Variants in AHNAK observed in about 807,000 individuals in gnomAD.
AHNAK encodes the protein neuroblast differentiation-associated protein AHNAK.
In AHNAK, 23 loss-of-function variants were observed where a neutral mutation model predicts 37.8. The observed-to-expected ratio is 0.61, with a 90% CI of 0.44 to 0.86. The LOEUF is 0.86. Ranked by LOEUF, AHNAK falls within the 40% of genes least tolerant of loss-of-function variation. The pLI, the probability that AHNAK is intolerant of heterozygous loss-of-function variation, is 0.00. For synonymous variants in AHNAK, 2,481 were observed against 2,636.3 expected, an observed-to-expected ratio of 0.94 and a Z score of 1.80; for missense variants, 7,411 against 7,319.4, an observed-to-expected ratio of 1.01 and a Z score of -0.46.
rs138474498 is a variant in AHNAK at position 62,522,083 on chromosome 11, G to A, written c.12334C>T (p.Leu4112=). 24 of 1,613,602 alleles carry A rather than the reference G, an allele frequency of 1.5e-5. No homozygotes were observed. The highest frequency in any genetic ancestry group is 1.9e-5 in the Non-Finnish European group (23 of 1,179,986). The change falls in exon 5 of 5, where the codon CTG becomes TTG. Residue 4112 remains leucine (L), a synonymous_variant. Transcript: ENST00000378024. ...DIDIHGPEGK[L]KGPKFKMPDL... ...GGCATTTTAAATTTGGGGCCCTTCA[G>A]TTTCCCTTCTGGACCATGAATATCA...
At chr11:62,452,345 T>G (rs1363465606) in intron 5 of AHNAK, among the ~76,000 whole-genome samples, 4 of 152,176 alleles carry the variant, frequency 2.6e-5, no homozygotes, top group Non-Finnish European at 5.9e-5. Flanking sequence ...AAGCCAGAAC[T>G]GGATGCAGGC....
rs1795609442 is a variant in AHNAK, at chr11:62,528,908, T to G, written c.5509A>C (p.Lys1837Gln). Residue 1837 changes from lysine (K) to glutamine (Q), a missense_variant, in exon 5 of 5, where the codon AAG becomes CAG. Coordinates refer to ENST00000378024, the MANE Select transcript of AHNAK (RefSeq NM_001620.3). ...PDVDLECPDA[K>Q]LKGPKFKMPE... ...ATCTTAAACTTGGGCCCTTTCAACT[T>G]TGCATCAGGACACTCCAGATCAACA... is the stretch of plus-strand genomic sequence containing the variant. 6.2e-7 allele frequency: 1 copy of G among 1,613,958 alleles called. No individual in the cohort carries two copies. Among genetic ancestry groups the G allele is most frequent in the African/African-American group, 1.3e-5 (1 of 74,862 alleles).
intron 5 of AHNAK, among the ~76,000 whole-genome samples, chr11:62,488,402 CTT>C (rs11310515): frequency 1.3e-4 from 18 of 143,904 alleles, no homozygotes; most frequent in African/African-American, 3.6e-4. Flanking sequence ...ATCTGTCTAG[CTT>C]TTTTTTTTTT....
intron 5 of AHNAK, among the ~76,000 whole-genome samples, chr11:62,488,538 A>T (rs897395379): frequency 1.3e-5 from 2 of 150,176 alleles, no homozygotes; most frequent in Non-Finnish European, 3.0e-5. Context: ...ATTAGCTGGG[A>T]TTACAGGCGC....
rs541392799 is a variant in AHNAK, at chr11:62,478,654, G to A, written c.442+13078C>T. The stretch of plus-strand genomic sequence containing the variant: ...TCCTAGCTACTCAGGAGACTGAGGT[G>A]CGAGGATCGCTTGAACCCAGGAGAT... On this transcript the variant is annotated intron_variant, in intron 5 of 5. Coordinates refer to the AHNAK transcript ENST00000257247. 9.2e-5 allele frequency among the ~76,000 whole-genome samples: 14 copies of A among 151,388 alleles called. No individual in the cohort carries two copies. The South Asian group carries it at 2.9e-3, about 32-fold the overall frequency.
At position 62,528,947 on chromosome 11, in the gene AHNAK, C is replaced by T; in HGVS notation, c.5470G>A (p.Ala1824Thr). The T allele has an allele frequency of 6.2e-7, 1 of 1,614,176 alleles. No individual in the cohort carries two copies. The highest frequency in any genetic ancestry group is 1.1e-5 in the South Asian group (1 of 91,080). The change falls in exon 5 of 5, where the codon GCG (alanine) becomes ACG (threonine). Residue 1824 changes from alanine to threonine, a missense_variant. Ala to Thr is a moderately conservative substitution (Grantham distance 58). Coordinates refer to ENST00000378024, the MANE Select transcript of AHNAK (RefSeq NM_001620.3). ...TCCAGATCAACATCGGGCACCTCCG[C>T]TTCCACAAAAGGACCTTTGACATCA... ...QVDVKGPFVE[A>T]EVPDVDLECP...
intron 4 of AHNAK, among the ~76,000 whole-genome samples, chr11:62,498,727 T>C (rs1243322480): frequency 6.6e-6 from 1 of 151,762 alleles, no homozygotes; most frequent in Non-Finnish European, 1.5e-5. Flanking sequence ...CAGTGAGCTG[T>C]GATCATGCCA....
rs186816477 is a variant in AHNAK at position 62,465,826 on chromosome 11, C to T, written c.442+25906G>A. Among the ~76,000 whole-genome samples, 352 of 152,152 alleles carry T rather than the reference C, an allele frequency of 2.3e-3. 1 individual carries two copies. The highest frequency in any genetic ancestry group is 7.9e-3 in the African/African-American group (328 of 41,490). ...AAACACCAAGGATTCTGAGCACCAG[C>T]AGCTAGAAAGAGGCAAAGGAGGATT... On this transcript the variant is annotated intron_variant, in intron 5 of 5. Transcript: ENST00000257247.
At chr11:62,513,231 G>T (rs985040933), downstream of AHNAK, among the ~76,000 whole-genome samples, 7 of 152,102 alleles carry the variant, frequency 4.6e-5, no homozygotes, top group African/African-American at 1.7e-4. Context: ...TGCAAGGCTG[G>T]TTCCTGCAAG....
chr11:62,444,822 C>T (rs1338574522), intron 5 of AHNAK, among the ~76,000 whole-genome samples: 3 of 152,242 alleles, frequency 2.0e-5, no homozygotes, highest in Non-Finnish European at 4.4e-5. Flanking sequence ...CTCACTGAAT[C>T]CCGGAGCCTT....
At position 62,527,198 on chromosome 11, in the gene AHNAK, C is replaced by T; in HGVS notation, c.7219G>A (p.Asp2407Asn). The change falls in exon 5 of 5, where the codon GAT becomes AAT. Residue 2407 changes from aspartate (D) to asparagine (N), a missense_variant. Asp to Asn is a conservative substitution (Grantham distance 23). Coordinates refer to ENST00000378024, the MANE Select transcript of AHNAK (RefSeq NM_001620.3). ...AGGTCCCCTTCCAATTTGGGAACAT[C>T]TACATCCACCTCTCCTTTTGCCTTG... ...SPKAKGEVDV[D>N]VPKLEGDLKG... The T allele has an allele frequency of 6.2e-7, 1 of 1,611,248 alleles. No individual in the cohort carries two copies. The highest frequency in any genetic ancestry group is 8.5e-7 in the Non-Finnish European group (1 of 1,178,848).
chr11:62,438,276 G>A (rs552630615), intron 5 of AHNAK, among the ~76,000 whole-genome samples: 7 of 143,658 alleles, frequency 4.9e-5, no homozygotes, highest in South Asian at 2.2e-4. Context: ...TCTGCCTCCC[G>A]GGTTCAAGCA....
At chr11:62,444,101 CAG>C (rs1232574315) in intron 5 of AHNAK, among the ~76,000 whole-genome samples, 17 of 152,326 alleles carry the variant, frequency 1.1e-4, no homozygotes, top group African/African-American at 3.4e-4. Context: ...GTGGATCCTA[CAG>C]AGAGTTCTGA....
downstream of AHNAK, among the ~76,000 whole-genome samples, chr11:62,512,350 C>CA (rs979746680): frequency 8.5e-5 from 13 of 152,282 alleles, no homozygotes; most frequent in Admixed American, 6.5e-4. The surrounding 1 kb of genome is among the most constrained non-coding windows in gnomAD (Gnocchi z 4.0). Context: ...CTATAGTCCC[C>CA]ACTGAGGATT....
intron 4 of AHNAK, among the ~76,000 whole-genome samples, chr11:62,501,066 C>A (rs1303136895): frequency 6.6e-6 from 1 of 151,738 alleles, no homozygotes; most frequent in Non-Finnish European, 1.5e-5. Flanking sequence ...AAAAAAAAAT[C>A]AAAAACACAA....
At chr11:62,452,513 T>C (rs571806992) in intron 5 of AHNAK, among the ~76,000 whole-genome samples, 5 of 152,286 alleles carry the variant, frequency 3.3e-5, no homozygotes, top group South Asian at 2.1e-4. Flanking sequence ...GGATGGGTGA[T>C]TGGAGGCAGA....
intron 5 of AHNAK, among the ~76,000 whole-genome samples, chr11:62,434,496 A>G (rs2509981): frequency 0.027 from 4,073 of 152,028 alleles, 189 homozygotes; most frequent in African/African-American, 0.094. Flanking sequence ...TCGGACTCCC[A>G]TGAATGCGCA....
intron 4 of AHNAK, among the ~76,000 whole-genome samples, chr11:62,501,068 A>G (rs1226697946): frequency 6.6e-6 from 1 of 152,100 alleles, no homozygotes; most frequent in Non-Finnish European, 1.5e-5. Context: ...AAAAAAATCA[A>G]AAACACAAAA....
Position 62,528,762 on chromosome 11 carries a change from T to A in AHNAK, c.5655A>T (p.Thr1885=), listed in dbSNP as rs768459463. 2 of 1,611,702 alleles carry A rather than the reference T, an allele frequency of 1.2e-6. No homozygotes were observed. Among genetic ancestry groups the A allele is most frequent in the African/African-American group, 2.7e-5 (2 of 74,216 alleles). ...VSVPKLEGDL[T]GPSVGVEVPD... ...GCACCTCCACACCCACACTGGGGCC[T>A]GTTAAATCTCCCTCCAATTTTGGCA... Residue 1885 remains threonine, a synonymous_variant, in exon 5 of 5, where the codon ACA becomes ACT. Transcript: ENST00000378024.
Sources: gnomAD v4.1 joint callset for allele counts (sites outside exome capture counted in the v4.1 genomes callset) on GRCh38, gnomAD v4.1.1 for gene constraint, Gnocchi (gnomAD v3.1) non-coding constraint, MANE v1.5 for transcripts, NCBI Gene and HGNC (gene_info 2026-07-23, HGNC 2026-07-21) for gene names.